COP1: variants seen among roughly 807,000 people sequenced by gnomAD.
COP1 encodes the protein E3 ubiquitin-protein ligase COP1.
COP1 carries 24 observed loss-of-function variants against 101.3 expected under a neutral mutation model. The ratio of observed to expected loss-of-function variants is 0.24; its 90% CI spans 0.17 to 0.33. COP1 has a LOEUF of 0.33. Ranked by LOEUF, COP1 falls within the 10% of genes least tolerant of loss-of-function variation. The pLI is 1.00. For synonymous variants in COP1, 347 were observed against 341.9 expected (o/e 1.01, Z -0.17); for missense variants, 663 against 906.2 (o/e 0.73, Z 3.45).
At chr1:176,023,255 G>A (rs1165940197) in intron 15 of COP1, among the ~76,000 whole-genome samples, 1 of 152,090 alleles carries the variant, frequency 6.6e-6, no homozygotes, top group Admixed American at 6.5e-5. Flanking sequence ...ATACGGTGAA[G>A]AAACTAGCAA....
intron 18 of COP1, among the ~76,000 whole-genome samples, chr1:175,983,513 G>C (rs1322693775): frequency 6.6e-6 from 1 of 152,162 alleles, no homozygotes; most frequent in African/African-American, 2.4e-5. Context: ...ACCCAGTCTT[G>C]AGTATATCTT....
At chr1:176,065,744 G>C (rs571897239) in intron 11 of COP1, among the ~76,000 whole-genome samples, 6 of 137,628 alleles carry the variant, frequency 4.4e-5, no homozygotes, top group Admixed American at 3.2e-4. Flanking sequence ...GTCTTGCTCC[G>C]TTGCCTAGGT....
intron 17 of COP1, 45 bp from the exon 18 acceptor site, chr1:175,987,148 G>A (rs560261862): frequency 1.9e-5 from 20 of 1,075,122 alleles, no homozygotes; most frequent in South Asian, 7.4e-5. Context: ...AGAAAAACTC[G>A]GAATTAGGAC....
At position 176,144,678 on chromosome 1, in the gene COP1, G is replaced by A. The variant is rs142946160; in HGVS notation, c.831+4328C>T. Among the ~76,000 whole-genome samples the A allele has an allele frequency of 2.9e-3, 441 of 152,148 alleles. 4 individuals are homozygous for A. Among genetic ancestry groups the A allele is most frequent in the African/African-American group, 0.01 (420 of 41,526 alleles). Reference sequence around the variant, plus strand: ...AGTATTTAATACAAGGTGGTATTGCGAAAAAGACCAGTGAAGCAGAAAAGA... The same window carrying A: ...AGTATTTAATACAAGGTGGTATTGCAAAAAAGACCAGTGAAGCAGAAAAGA... On this transcript the variant is annotated intron_variant, in intron 6 of 19. Transcript: ENST00000367669.
intron 19 of COP1, 83 bp downstream of exon 19, chr1:175,947,112 C>G: frequency 1.1e-6 from 1 of 936,014 alleles, no homozygotes; most frequent in Non-Finnish European, 1.8e-6. Context: ...CTCTAAGGCT[C>G]AGTACAATGG....
intron 6 of COP1, among the ~76,000 whole-genome samples, chr1:176,145,934 T>C (rs146706882): frequency 3.3e-5 from 5 of 152,324 alleles, no homozygotes; most frequent in East Asian, 1.9e-4. Flanking sequence ...CAGTATTGCA[T>C]TGTGCTTACA....
chr1:176,107,427 T>C (rs1299463071), intron 9 of COP1, among the ~76,000 whole-genome samples: 2 of 152,072 alleles, frequency 1.3e-5, no homozygotes, highest in African/African-American at 2.4e-5. Flanking sequence ...AAAGTACTTA[T>C]AAAGAATGAT....
chr1:176,158,963 A>T (rs1157472892), intron 5 of COP1, among the ~76,000 whole-genome samples: 2 of 152,124 alleles, frequency 1.3e-5, no homozygotes, highest in African/African-American at 4.8e-5. Context: ...AATACAGATG[A>T]AGTAGTATAA....
chr1:176,057,424 C>A lies in COP1; in HGVS notation c.1278-11100G>T, dbSNP rs900259213. On this transcript the variant is annotated intron_variant, in intron 11 of 19. Coordinates refer to ENST00000367669, the MANE Select transcript of COP1 (RefSeq NM_022457.7). Reference sequence around the variant, plus strand: ...GTACTGCTGCCATCTCGGCTCACTGCAACCCCCCTGCCTGATTCTCCTGCC... The same window carrying A: ...GTACTGCTGCCATCTCGGCTCACTGAAACCCCCCTGCCTGATTCTCCTGCC... 8.5e-5 allele frequency among the ~76,000 whole-genome samples: 13 copies of A among 152,322 alleles called. 1 individual carries two copies. Among genetic ancestry groups the A allele is most frequent in the African/African-American group, 3.1e-4 (13 of 41,582 alleles).
intron 14 of COP1, among the ~76,000 whole-genome samples, chr1:176,034,948 G>A (rs974325394): frequency 7.9e-5 from 12 of 151,918 alleles, no homozygotes; most frequent in African/African-American, 2.9e-4. Context: ...AAGAAATGAA[G>A]AAACAAACAA....
intron 10 of COP1, among the ~76,000 whole-genome samples, chr1:176,084,868 G>C (rs1462786399): frequency 6.7e-6 from 1 of 150,118 alleles, no homozygotes; most frequent in Non-Finnish European, 1.5e-5. Flanking sequence ...TTTCCCCCTT[G>C]GTGGGGTTTA....
intron 18 of COP1, among the ~76,000 whole-genome samples, chr1:175,960,078 G>GA (rs1651151216): frequency 1.3e-5 from 2 of 152,032 alleles, no homozygotes; most frequent in Non-Finnish European, 2.9e-5. Flanking sequence ...TTCTCTTATA[G>GA]AAAAAACAAT....
intron 14 of COP1, among the ~76,000 whole-genome samples, chr1:176,035,787 A>T (rs2149123508): frequency 6.6e-6 from 1 of 151,430 alleles, no homozygotes; most frequent in East Asian, 1.9e-4. Context: ...TCTGACACTT[A>T]CAGAACACTC....
At chr1:175,989,235 T>C in intron 16 of COP1, 127 bp downstream of exon 16, 1 of 506,864 alleles carries the variant, frequency 2.0e-6, no homozygotes, top group East Asian at 2.9e-5. Context: ...AAAAAAAATC[T>C]ACTATTTAAG....
intron 14 of COP1, among the ~76,000 whole-genome samples, chr1:176,036,451 AAGAC>A (rs1669555680): frequency 6.6e-6 from 1 of 151,842 alleles, no homozygotes; most frequent in African/African-American, 2.4e-5. Flanking sequence ...TCAGGAATAA[AAGAC>A]AGAAGATGAC....
intron 14 of COP1, among the ~76,000 whole-genome samples, chr1:176,041,764 G>A (rs979616030): frequency 5.3e-5 from 8 of 152,034 alleles, no homozygotes; most frequent in African/African-American, 1.9e-4. Flanking sequence ...TCAGGAGTTC[G>A]AGACCAGCCT....
At chr1:176,045,292 A>G (rs973735762) in intron 12 of COP1, among the ~76,000 whole-genome samples, 3 of 152,208 alleles carry the variant, frequency 2.0e-5, no homozygotes, top group South Asian at 2.1e-4. Flanking sequence ...GACATAAACT[A>G]TAACAGATTC....
At chr1:176,004,141 G>T (rs1456137768) in intron 15 of COP1, among the ~76,000 whole-genome samples, 1 of 151,184 alleles carries the variant, frequency 6.6e-6, no homozygotes, top group Non-Finnish European at 1.5e-5. Context: ...CTCATGATTC[G>T]GCTCTCTGTT....
rs995904478 is a variant in COP1, at chr1:176,206,820, G to A, written c.159C>T (p.Ala53=). ...SAAALVSGGV[A]QAAGSGGLGG... is the part of the protein sequence containing the mutation. ...CGAGGCCGCCCGAGCCGGCGGCCTG[G>A]GCCACCCCGCCGGACACCAGCGCTG... Residue 53 remains alanine, a synonymous_variant, in exon 1 of 20, where the codon GCC becomes GCT. Transcript: ENST00000367669. 13 of 1,398,978 alleles carry A rather than the reference G, an allele frequency of 9.3e-6. No individual in the cohort carries two copies. The highest frequency in any genetic ancestry group is 1.5e-5 in the African/African-American group (1 of 66,222). The allele number at this position is 1,398,978 out of a possible 1,614,324, so 86.7% of individuals were successfully genotyped here.
Sources: gnomAD v4.1 joint callset for allele counts (sites outside exome capture counted in the v4.1 genomes callset) on GRCh38, gnomAD v4.1.1 for gene constraint, MANE v1.5 for transcripts, NCBI Gene and HGNC (gene_info 2026-07-23, HGNC 2026-07-21) for gene names.